The following TASP1 variants were observed in gnomAD, a reference collection of about 807,000 sequenced individuals.
The protein encoded by TASP1 is taspase 1, also known as threonine aspartase 1.
Under a neutral mutation model 56.6 loss-of-function variants are expected in TASP1, and 16 were observed. That is an observed-to-expected ratio of 0.28 (90% CI 0.19 to 0.43). The LOEUF is 0.43. TASP1 is among the 20% of genes least tolerant of loss of function. TASP1 has a pLI of 1.00. For missense variants in TASP1, 393 were observed against 511.6 expected (o/e 0.77, Z 2.24); for synonymous variants, 179 against 184.2 (o/e 0.97, Z 0.23).
At chr20:13,448,736 A>G (rs1250927366) in intron 11 of TASP1, among the ~76,000 whole-genome samples, 1 of 152,018 alleles carries the variant, frequency 6.6e-6, no homozygotes, top group African/African-American at 2.4e-5. Flanking sequence ...GAAATGCAAC[A>G]TTTTTTTCAC....
chr20:13,566,111 T>C (rs1160076350), intron 7 of TASP1, among the ~76,000 whole-genome samples: 1 of 152,152 alleles, frequency 6.6e-6, no homozygotes. Context: ...TACTCTATGA[T>C]TCCACTTATA....
the TASP1 span, among the ~76,000 whole-genome samples, chr20:13,301,947 A>T: frequency 6.6e-6 from 1 of 152,194 alleles, no homozygotes; most frequent in Non-Finnish European, 1.5e-5. Flanking sequence ...AAGGAGTGGG[A>T]TTTTATAAAG....
At chr20:13,221,257 TCCTCC>T in the TASP1 span, among the ~76,000 whole-genome samples, 4,493 of 117,396 alleles carry the variant, frequency 0.038, 237 homozygotes, top group African/African-American at 0.13. Context: ...CTCCTCCTCC[TCCTCC>T]TTCTCCTTCT....
chr20:13,212,384 A>T, the TASP1 span, among the ~76,000 whole-genome samples: 1 of 152,336 alleles, frequency 6.6e-6, no homozygotes, highest in East Asian at 1.9e-4. Context: ...ATGCTAAGCC[A>T]TTGGGCTTTG....
the TASP1 span, among the ~76,000 whole-genome samples, chr20:13,189,975 T>C: frequency 5.9e-5 from 9 of 152,108 alleles, no homozygotes; most frequent in African/African-American, 2.2e-4. Flanking sequence ...CAGCCATAAA[T>C]AAGAATAAAA....
chr20:13,353,374 T>C, the TASP1 span, among the ~76,000 whole-genome samples: 7 of 152,166 alleles, frequency 4.6e-5, no homozygotes, highest in Admixed American at 4.6e-4. Context: ...ATACTATTAC[T>C]CACCTTCATA....
intron 4 of TASP1, 84 bp from the exon 5 acceptor site, chr20:13,587,454 TAGA>T (rs1448471742): frequency 8.4e-7 from 1 of 1,196,630 alleles, no homozygotes; most frequent in Non-Finnish European, 1.2e-6. Context: ...TTCTAAAAGC[TAGA>T]AGGTGAGAGA....
the TASP1 span, among the ~76,000 whole-genome samples, chr20:13,224,379 G>A: frequency 2.0e-5 from 3 of 152,192 alleles, no homozygotes; most frequent in Non-Finnish European, 4.4e-5. Context: ...ACATTTATTA[G>A]TCCATCGTTT....
At chr20:13,600,656 C>T (rs2047920462) in intron 4 of TASP1, 2 of 152,008 alleles carry the variant, frequency 1.3e-5, no homozygotes, top group Admixed American at 1.3e-4. Flanking sequence ...TGTGACCTTA[C>T]ATTAGGCAAG....
intron 6 of TASP1, among the ~76,000 whole-genome samples, chr20:13,572,728 T>C (rs1601296858): frequency 6.8e-6 from 1 of 147,712 alleles, no homozygotes; most frequent in African/African-American, 2.5e-5. Context: ...GAGCTGCAAG[T>C]GCTGACAGAG....
At chr20:13,492,122 G>C (rs987337126) in intron 10 of TASP1, among the ~76,000 whole-genome samples, 3 of 152,086 alleles carry the variant, frequency 2.0e-5, no homozygotes, top group African/African-American at 7.2e-5. Flanking sequence ...GCACAGGCTC[G>C]ACAGCAACAA....
chr20:13,185,029 AT>A, the TASP1 span, among the ~76,000 whole-genome samples: 5 of 152,196 alleles, frequency 3.3e-5, no homozygotes, highest in East Asian at 5.8e-4. Context: ...GATTAAAAAA[AT>A]AACATATAAT....
chr20:13,191,772 T>C, the TASP1 span, among the ~76,000 whole-genome samples: 1 of 152,162 alleles, frequency 6.6e-6, no homozygotes, highest in Non-Finnish European at 1.5e-5. Context: ...AAATGATAAA[T>C]GTTTGGGGTG....
chr20:13,113,500 G>C, the TASP1 span, among the ~76,000 whole-genome samples: 1 of 152,220 alleles, frequency 6.6e-6, no homozygotes, highest in Admixed American at 6.5e-5. Context: ...GAAAAGGCTA[G>C]ATACCCAGTC....
chr20:13,478,142 C>T (rs966844620), intron 11 of TASP1, among the ~76,000 whole-genome samples: 2 of 151,992 alleles, frequency 1.3e-5, no homozygotes, highest in African/African-American at 4.8e-5. Flanking sequence ...GACCCATAAG[C>T]AATAATGGTT....
the TASP1 span, among the ~76,000 whole-genome samples, chr20:13,149,214 G>A: frequency 1.6e-4 from 25 of 152,324 alleles, no homozygotes; most frequent in Middle Eastern, 3.4e-3. Context: ...GTAATATGTA[G>A]AAGAAAGATC....
At chr20:13,355,535 C>T in the TASP1 span, among the ~76,000 whole-genome samples, 1 of 152,216 alleles carries the variant, frequency 6.6e-6, no homozygotes, top group African/African-American at 2.4e-5. Context: ...TTTAGGACTG[C>T]ACTCTTTGAA....
the TASP1 span, among the ~76,000 whole-genome samples, chr20:13,171,408 TA>T: frequency 6.6e-6 from 1 of 152,114 alleles, no homozygotes; most frequent in Non-Finnish European, 1.5e-5. Context: ...TTTTTAACTC[TA>T]AAAAAATTAT....
intron 11 of TASP1, among the ~76,000 whole-genome samples, chr20:13,439,005 G>A (rs1009351806): frequency 6.6e-6 from 1 of 152,108 alleles, no homozygotes; most frequent in East Asian, 1.9e-4. Flanking sequence ...GTTAGGAAAC[G>A]ACTGGTGCTG....
Sources: allele counts gnomAD v4.1 joint callset (sites outside exome capture counted in the v4.1 genomes callset), GRCh38; gene constraint gnomAD v4.1.1; transcripts MANE v1.5; gene names NCBI Gene and HGNC (gene_info 2026-07-23, HGNC 2026-07-21).